Variants in ADAMTS19 observed in about 807,000 individuals in gnomAD.
ADAMTS19 encodes ADAM metallopeptidase with thrombospondin type 1 motif 19.
In ADAMTS19, 93 loss-of-function variants were observed where a neutral mutation model predicts 153.3. The observed-to-expected ratio is 0.61, with a 90% CI of 0.51 to 0.72. The LOEUF (loss-of-function observed/expected upper bound fraction) is 0.72. Among genes scored for constraint, ADAMTS19 ranks in the 30% least tolerant of loss-of-function variants. ADAMTS19 has a pLI of 0.00. For synonymous variants in ADAMTS19, 600 were observed against 556.6 expected, an observed-to-expected ratio of 1.08 and a Z score of -1.10; for missense variants, 1,482 against 1,552.1, an observed-to-expected ratio of 0.95 and a Z score of 0.76.
chr5:129,548,200 C>A (rs1229589741), intron 6 of ADAMTS19, among the ~76,000 whole-genome samples: 1 of 150,004 alleles, frequency 6.7e-6, no homozygotes, highest in Non-Finnish European at 1.5e-5. Context: ...TAAAGAGCTT[C>A]TGCACAGCAA....
At chr5:129,592,356 C>T (rs143352944) in intron 7 of ADAMTS19, among the ~76,000 whole-genome samples, 74 of 127,236 alleles carry the variant, frequency 5.8e-4, no homozygotes, top group African/African-American at 1.0e-3. Context: ...TCAGCCTGGG[C>T]GACAGAGTGG....
In ADAMTS19 at chr5:129,461,151, GCT is replaced by G; in HGVS notation, c.144_145del (p.Trp49AlafsTer69). ...AGGAGTGGGAAGTCGTGTTTCCTGC[GCT>G]CTGGCGCCGGGAGCCGGTGGACCCG... is the stretch of plus-strand genomic sequence containing the variant. ...REEWEVVFPA[L>X]WRREPVDPAG... On this transcript the variant is annotated frameshift_variant, in exon 2 of 23. Transcript: ENST00000274487. LOFTEE classifies it high-confidence loss of function. The surrounding 1 kb of genome is among the most constrained non-coding windows in gnomAD (Gnocchi z 4.6). 7.1e-7 allele frequency: 1 copy of G among 1,409,352 alleles called. No homozygotes were observed. The highest frequency in any genetic ancestry group is 9.3e-7 in the Non-Finnish European group (1 of 1,077,654). The allele number at this position is 1,409,352 out of a possible 1,614,324, so 87.3% of individuals were successfully genotyped here. A position where few individuals can be genotyped will look rare whatever the true frequency, so the allele number is the denominator to read the frequency against.
intron 7 of ADAMTS19, among the ~76,000 whole-genome samples, chr5:129,553,363 T>C (rs560214403): frequency 6.6e-6 from 1 of 152,162 alleles, no homozygotes; most frequent in Non-Finnish European, 1.5e-5. Context: ...TCTTGCTAAA[T>C]CTGCTAATTC....
chr5:129,494,034 T>C (rs556325001), intron 2 of ADAMTS19, among the ~76,000 whole-genome samples: 42 of 152,160 alleles, frequency 2.8e-4, no homozygotes, highest in Non-Finnish European at 6.0e-4. Flanking sequence ...CTTCTATCCA[T>C]TAATATTAAA....
At position 129,551,878 on chromosome 5, in the gene ADAMTS19, T is replaced by A; in HGVS notation, c.1343T>A (p.Val448Glu). The A allele has an allele frequency of 6.3e-7, 1 of 1,578,604 alleles. No individual in the cohort carries two copies. The highest frequency in any genetic ancestry group is 8.6e-7 in the Non-Finnish European group (1 of 1,164,328). ...AILITRKDFC[V>E]HKDEPCDTVG... ...TTTCTTTCTAGGAAAGATTTCTGTG[T>A]GCACAAAGATGAACCATGTGATACT... The change falls in exon 7 of 23, where the codon GTG becomes GAG. Residue 448 changes from valine to glutamate, a missense_variant. Transcript: ENST00000274487.
intron 2 of ADAMTS19, among the ~76,000 whole-genome samples, chr5:129,499,687 A>G (rs1375874652): frequency 6.6e-6 from 1 of 152,118 alleles, no homozygotes; most frequent in East Asian, 1.9e-4. Context: ...CACCATGATA[A>G]AATTTGTAAG....
chr5:129,513,896 T>C (rs1022168427), intron 3 of ADAMTS19, among the ~76,000 whole-genome samples: 4 of 152,188 alleles, frequency 2.6e-5, no homozygotes, highest in Non-Finnish European at 5.9e-5. Context: ...TTTTTCTAAC[T>C]TTTTTGTACC....
At chr5:129,519,568 T>A (rs550943392) in intron 3 of ADAMTS19, among the ~76,000 whole-genome samples, 28 of 152,062 alleles carry the variant, frequency 1.8e-4, no homozygotes, top group Middle Eastern at 3.4e-3. Flanking sequence ...AGCCTGCCTT[T>A]CAAGTTTTCT....
chr5:129,705,869 G>C (rs894887816), intron 21 of ADAMTS19, among the ~76,000 whole-genome samples: 2 of 152,190 alleles, frequency 1.3e-5, no homozygotes, highest in Admixed American at 6.5e-5. Context: ...TTAAGCCACT[G>C]AATTAATGCC....
At chr5:129,551,838 T>C in intron 6 of ADAMTS19, 26 bp from the exon 7 acceptor site, 1 of 1,473,248 alleles carries the variant, frequency 6.8e-7, no homozygotes, top group East Asian at 2.4e-5. Flanking sequence ...TTTATCTTTA[T>C]TTCAGTTTTC....
intron 6 of ADAMTS19, among the ~76,000 whole-genome samples, chr5:129,536,382 G>C (rs983145332): frequency 6.6e-6 from 1 of 152,170 alleles, no homozygotes; most frequent in Non-Finnish European, 1.5e-5. Context: ...ACACCAGTTA[G>C]AATGGCAATC....
chr5:129,497,351 G>C (rs1443428192), intron 2 of ADAMTS19, among the ~76,000 whole-genome samples: 1 of 151,926 alleles, frequency 6.6e-6, no homozygotes, highest in East Asian at 1.9e-4. Flanking sequence ...GCCCTGTTCT[G>C]TTCTTTCTCT....
At chr5:129,507,124 A>G (rs1190721922) in intron 2 of ADAMTS19, among the ~76,000 whole-genome samples, 3 of 152,034 alleles carry the variant, frequency 2.0e-5, no homozygotes, top group African/African-American at 7.2e-5. Context: ...AAGGATGTAT[A>G]GAATCACAAA....
chr5:129,476,890 A>C (rs1750245660), intron 2 of ADAMTS19, among the ~76,000 whole-genome samples: 2 of 152,174 alleles, frequency 1.3e-5, no homozygotes, highest in African/African-American at 4.8e-5. Context: ...ATGAAATTTG[A>C]TATGAAAGCA....
intron 8 of ADAMTS19, among the ~76,000 whole-genome samples, chr5:129,613,341 G>T (rs1751328842): frequency 6.6e-6 from 1 of 152,148 alleles, no homozygotes; most frequent in East Asian, 1.9e-4. Context: ...CTGTCTCTCA[G>T]ACCACAGTGC....
intron 7 of ADAMTS19, among the ~76,000 whole-genome samples, chr5:129,574,418 C>T (rs1472062209): frequency 6.6e-6 from 1 of 151,982 alleles, no homozygotes; most frequent in Admixed American, 6.6e-5. Context: ...AGTTCCCTCC[C>T]CTCGCACCCC....
rs1252055188 is a variant in ADAMTS19, at chr5:129,704,232, C to T, written c.3160-7C>T. On this transcript the variant is annotated splice_region_variant and splice_polypyrimidine_tract_variant and intron_variant, in intron 20 of 22. Transcript: ENST00000274487. ...CTTTATCTAAAACCTCTGATGTTAT[C>T]TTCCAGTGTTCAGTCAAGTGTGGCA... 6.2e-7 allele frequency: 1 copy of T among 1,610,014 alleles called. No homozygotes were observed. The highest frequency in any genetic ancestry group is 1.3e-5 in the African/African-American group (1 of 74,678).
intron 3 of ADAMTS19, among the ~76,000 whole-genome samples, chr5:129,514,097 C>A (rs1020385321): frequency 1.3e-5 from 2 of 151,962 alleles, no homozygotes; most frequent in African/African-American, 2.4e-5. Context: ...CAGTTCCATC[C>A]ATGTTGCTGC....
chr5:129,685,205 C>G (rs2127129989), intron 18 of ADAMTS19, among the ~76,000 whole-genome samples: 1 of 151,768 alleles, frequency 6.6e-6, no homozygotes, highest in Admixed American at 6.6e-5. Context: ...TTTATGTATC[C>G]TTGGCATTTA....
Sources: allele counts gnomAD v4.1 joint callset (sites outside exome capture counted in the v4.1 genomes callset), GRCh38; gene constraint gnomAD v4.1.1; non-coding constraint Gnocchi (gnomAD v3.1); transcripts MANE v1.5; gene names NCBI Gene and HGNC (gene_info 2026-07-23, HGNC 2026-07-21).